The following ZSCAN23 variants were observed in gnomAD, a reference collection of about 807,000 sequenced individuals.
ZSCAN23 encodes zinc finger and SCAN domain-containing protein 23.
In ZSCAN23, 19 loss-of-function variants were observed where a neutral mutation model predicts 19.3. The observed-to-expected ratio is 0.99, with a 90% CI of 0.69 to 1.45. The LOEUF (loss-of-function observed/expected upper bound fraction) is 1.45. ZSCAN23 is among the 40% of genes most tolerant of loss of function. ZSCAN23 has a pLI of 0.00. For missense variants in ZSCAN23, 372 were observed against 462.5 expected (o/e 0.80, Z 1.79); for synonymous variants, 140 against 166.2 (o/e 0.84, Z 1.21).
At chr6:28,425,359 T>C in the ZSCAN23 span, among the ~76,000 whole-genome samples, 1 of 152,108 alleles carries the variant, frequency 6.6e-6, no homozygotes, top group African/African-American at 2.4e-5. Flanking sequence ...ACAGGGTCTT[T>C]CTCTGTTACC....
At chr6:28,431,944 T>C (rs1046333091), downstream of ZSCAN23, 1 of 152,250 alleles carries the variant, frequency 6.6e-6, no homozygotes, top group Non-Finnish European at 1.5e-5. Flanking sequence ...TTCTGTCTGA[T>C]TCTTTTTTAT....
At chr6:28,439,638 T>C (rs1230810003) in intron 1 of ZSCAN23, among the ~76,000 whole-genome samples, 2 of 152,210 alleles carry the variant, frequency 1.3e-5, no homozygotes, top group Admixed American at 1.3e-4. Flanking sequence ...CGGACATTTA[T>C]AGTGCTTTTA....
intron 1 of ZSCAN23, among the ~76,000 whole-genome samples, chr6:28,436,655 G>A (rs962763420): frequency 6.6e-6 from 1 of 152,168 alleles, no homozygotes; most frequent in Non-Finnish European, 1.5e-5. Flanking sequence ...AATTTTAGCT[G>A]TATGAAGGTA....
chr6:28,428,038 T>A (rs1045190156), downstream of ZSCAN23, among the ~76,000 whole-genome samples: 5 of 152,196 alleles, frequency 3.3e-5, no homozygotes, highest in African/African-American at 1.2e-4. Flanking sequence ...GTTGAGCCAT[T>A]GCACTCCAGC....
At chr6:28,436,420 C>A in intron 1 of ZSCAN23, 77 bp from the exon 2 acceptor site, 1 of 695,102 alleles carries the variant, frequency 1.4e-6, no homozygotes, top group African/African-American at 1.8e-5. Context: ...AGTATTTACA[C>A]TAAAATCAGT....
chr6:28,441,676 C>T (rs1328145418), intron 1 of ZSCAN23, among the ~76,000 whole-genome samples: 7 of 152,106 alleles, frequency 4.6e-5, no homozygotes, highest in Non-Finnish European at 7.4e-5. Flanking sequence ...ATATAGAATT[C>T]TTTCACCAAG....
At position 28,435,997 on chromosome 6, in the gene ZSCAN23, C is replaced by G; in HGVS notation, c.270G>C (p.Leu90=). Residue 90 remains leucine (L), a synonymous_variant, in exon 2 of 4, where the codon CTG becomes CTC. Coordinates refer to ENST00000289788, the MANE Select transcript of ZSCAN23 (RefSeq NM_001012455.2). ...TAGTCAGGAACTGCTCCAGCACCAGCAGCTCTAGGATCTGCTCCTTGGTGT... is the reference window on the plus strand; with the variant it reads ...TAGTCAGGAACTGCTCCAGCACCAGGAGCTCTAGGATCTGCTCCTTGGTGT... ...EMHTKEQILE[L]LVLEQFLTIL... 3 of 1,614,222 alleles carry G rather than the reference C, an allele frequency of 1.9e-6. No homozygotes were observed. Among genetic ancestry groups the G allele is most frequent in the Non-Finnish European group, 2.5e-6 (3 of 1,180,042 alleles).
chr6:28,429,214 T>G (rs1401777108), downstream of ZSCAN23, among the ~76,000 whole-genome samples: 1 of 152,230 alleles, frequency 6.6e-6, no homozygotes, highest in Non-Finnish European at 1.5e-5. Context: ...CAAGGCAACA[T>G]GTCTTTCCCA....
rs1237226683 is a variant in ZSCAN23 at position 28,433,575 on chromosome 6, G to C, written c.*890C>G. The C allele has an allele frequency of 7.1e-6, 1 of 141,520 alleles. No individual in the cohort carries two copies. The highest frequency in any genetic ancestry group is 2.7e-5 in the African/African-American group (1 of 37,512). The allele number at this position is 141,520 out of a possible 1,614,324, so 8.8% of individuals were successfully genotyped here. ...AAGGGAAATAAATTTTTTTATTTATGATCTTGGTGGTAATCAATAGTAAAT... is the reference window on the plus strand; with the variant it reads ...AAGGGAAATAAATTTTTTTATTTATCATCTTGGTGGTAATCAATAGTAAAT... On this transcript the variant is annotated 3_prime_UTR_variant, in exon 4 of 4. Coordinates refer to ENST00000289788, the MANE Select transcript of ZSCAN23 (RefSeq NM_001012455.2).
the ZSCAN23 span, among the ~76,000 whole-genome samples, chr6:28,425,896 T>C: frequency 1.3e-5 from 2 of 152,242 alleles, no homozygotes; most frequent in Middle Eastern, 3.2e-3. Context: ...TAACATTTGC[T>C]GCTTCACTTT....
Position 28,436,108 on chromosome 6 carries a change from C to T in ZSCAN23, c.159G>A (p.Gln53=), listed in dbSNP as rs1412129935. The change falls in exon 2 of 4, where the codon CAG becomes CAA. Residue 53 remains glutamine, a synonymous_variant. Transcript: ENST00000289788. ...GCCCAGGGGACTCCTGATAGCAGAA[C>T]TGCCTGAAGCGTCTACGAAAGATCT... ...TREIFRRRFR[Q]FCYQESPGPR... is the part of the protein sequence containing the mutation. The T allele has an allele frequency of 3.7e-6, 6 of 1,613,464 alleles. No individual in the cohort carries two copies. The highest frequency in any genetic ancestry group is 5.1e-6 in the Non-Finnish European group (6 of 1,179,630).
downstream of ZSCAN23, among the ~76,000 whole-genome samples, chr6:28,429,480 GA>G (rs1463404593): frequency 6.6e-6 from 1 of 152,060 alleles, no homozygotes; most frequent in African/African-American, 2.4e-5. Context: ...GGATTTTTAT[GA>G]AAACTCTGAA....
In ZSCAN23 at chr6:28,436,236, C is replaced by A; in HGVS notation, c.31G>T (p.Glu11Ter). 1 of 1,551,510 alleles carries A rather than the reference C, an allele frequency of 6.4e-7. No individual in the cohort carries two copies. Among genetic ancestry groups the A allele is most frequent in the South Asian group, 1.2e-5 (1 of 84,070 alleles). MAITLTLQTA[E>*]MQEGLLAVKV... is the part of the protein sequence containing the mutation. ...ACTGCCAGAAGTCCTTCCTGCATCT[C>A]TGCAGTCTGAAGGGTCAAGGTTATG... is the stretch of plus-strand genomic sequence containing the variant. Residue 11 changes from glutamate to a stop codon, truncating the protein, a stop_gained, in exon 2 of 4, where the codon GAG (glutamate) becomes TAG (stop). Coordinates refer to ENST00000289788, the MANE Select transcript of ZSCAN23 (RefSeq NM_001012455.2). LOFTEE classifies it high-confidence loss of function.
At chr6:28,442,128 C>T (rs1297092520) in intron 1 of ZSCAN23, among the ~76,000 whole-genome samples, 2 of 152,032 alleles carry the variant, frequency 1.3e-5, no homozygotes, top group Admixed American at 6.6e-5. Flanking sequence ...CTGCCCACCT[C>T]GGCCTCCCAA....
Position 28,434,901 on chromosome 6 carries a change from A to T in ZSCAN23, c.734T>A (p.Val245Glu). 6.4e-7 allele frequency: 1 copy of T among 1,553,402 alleles called. No individual in the cohort carries two copies. The highest frequency in any genetic ancestry group is 8.7e-7 in the Non-Finnish European group (1 of 1,147,972). ...TTCACTACAGATATAGGGTCTCTCC[A>T]CTGAAGAGCTCACCCTTTGCTTTTC... ...RLEKQRVSSS[V>E]ERPYICSECG... Residue 245 changes from valine to glutamate, a missense_variant, in exon 4 of 4, where the codon GTG becomes GAG. By Grantham distance (121) the Val-to-Glu change is moderately radical. Transcript: ENST00000289788.
chr6:28,441,541 C>T (rs928624237), intron 1 of ZSCAN23, among the ~76,000 whole-genome samples: 1 of 152,074 alleles, frequency 6.6e-6, no homozygotes, highest in Non-Finnish European at 1.5e-5. Context: ...TTCAGCTCAC[C>T]CTCTTCCAAC....
chr6:28,424,401 T>C, the ZSCAN23 span, among the ~76,000 whole-genome samples: 4 of 152,208 alleles, frequency 2.6e-5, no homozygotes, highest in Non-Finnish European at 5.9e-5. Flanking sequence ...CTCAGGTGGC[T>C]GTGGCAATTT....
rs754537238 is a variant in ZSCAN23 at position 28,435,996 on chromosome 6, G to C, written c.271C>G (p.Leu91Val). The C allele has an allele frequency of 6.2e-7, 1 of 1,614,094 alleles. No homozygotes were observed. The highest frequency in any genetic ancestry group is 1.3e-5 in the African/African-American group (1 of 74,934). The change falls in exon 2 of 4, where the codon CTG (leucine) becomes GTG (valine). Residue 91 changes from leucine (L) to valine (V), a missense_variant. Physicochemically the swap from Leu to Val is conservative, Grantham distance 32. Transcript: ENST00000289788. Reference protein sequence around the residue: ...MHTKEQILELLVLEQFLTILP... With the variant: ...MHTKEQILELVVLEQFLTILP... Reference sequence around the variant, plus strand: ...ATAGTCAGGAACTGCTCCAGCACCAGCAGCTCTAGGATCTGCTCCTTGGTG... The same window carrying C: ...ATAGTCAGGAACTGCTCCAGCACCACCAGCTCTAGGATCTGCTCCTTGGTG...
At chr6:28,425,384 G>A in the ZSCAN23 span, among the ~76,000 whole-genome samples, 1 of 152,196 alleles carries the variant, frequency 6.6e-6, no homozygotes, top group Admixed American at 6.5e-5. Flanking sequence ...CTGGAGTGCA[G>A]TGGCACAATC....
Sources: allele counts gnomAD v4.1 joint callset (sites outside exome capture counted in the v4.1 genomes callset), GRCh38; gene constraint gnomAD v4.1.1; transcripts MANE v1.5; gene names NCBI Gene and HGNC (gene_info 2026-07-23, HGNC 2026-07-21).